The following PATJ variants were observed in gnomAD, a reference collection of about 807,000 sequenced individuals.
The protein encoded by PATJ is inaD-like protein.
In PATJ, 190 loss-of-function variants were observed where a neutral mutation model predicts 224.9. The ratio of observed to expected loss-of-function variants is 0.84; its 90% CI spans 0.75 to 0.95. The LOEUF is 0.95. Ranked by LOEUF, PATJ falls within the 40% of genes least tolerant of loss-of-function variation. The probability of loss-of-function intolerance (pLI) is 0.00; values close to 1 mark genes in which losing one functional copy is unlikely to be tolerated. For missense variants in PATJ, 2,121 were observed against 2,270.3 expected, an observed-to-expected ratio of 0.93 and a Z score of 1.34; for synonymous variants, 769 against 820.3, an observed-to-expected ratio of 0.94 and a Z score of 1.07.
chr1:61,848,646 A>G (rs1662346048), intron 17 of PATJ, among the ~76,000 whole-genome samples: 2 of 151,946 alleles, frequency 1.3e-5, no homozygotes, highest in African/African-American at 4.8e-5. Flanking sequence ...GACCTCCTGG[A>G]CTCAAGCGAT....
intron 27 of PATJ, among the ~76,000 whole-genome samples, chr1:61,985,671 C>T (rs1256434032): frequency 6.6e-6 from 1 of 152,010 alleles, no homozygotes; most frequent in Non-Finnish European, 1.5e-5. Context: ...TGGCATTTCT[C>T]TGCACCTGCA....
At position 62,051,026 on chromosome 1, in the gene PATJ, A is replaced by C. The variant is rs879143301; in HGVS notation, c.4093A>C (p.Lys1365Gln). The stretch of plus-strand genomic sequence containing the variant: ...AGATGGCAGCGTCGAAGTTGGTATT[A>C]AACAATTGCCTGAAAGTGAAAGCTT... ...EEDGSVEVGI[K>Q]QLPESESFKL... The change falls in exon 31 of 44, where the codon AAA (lysine) becomes CAA (glutamine). Residue 1365 changes from lysine (K) to glutamine (Q), a missense_variant. By Grantham distance (53) the Lys-to-Gln change is moderately conservative (BLOSUM62 1). Coordinates refer to ENST00000642238, the MANE Select transcript of PATJ (RefSeq NM_001350145.3). The C allele has an allele frequency of 1.2e-6, 2 of 1,613,808 alleles. No individual in the cohort carries two copies. Among genetic ancestry groups the C allele is most frequent in the Admixed American group, 3.3e-5 (2 of 60,018 alleles).
In PATJ at chr1:62,128,589, C is replaced by G. The variant is rs529849391; in HGVS notation, c.5167-252C>G. 62 of 454,562 alleles carry G rather than the reference C, an allele frequency of 1.4e-4. No homozygotes were observed. The East Asian group carries it at 1.7e-3, about 12-fold the overall frequency. The allele number at this position is 454,562 out of a possible 1,614,324, so 28.2% of individuals were successfully genotyped here. Reference sequence around the variant, plus strand: ...ATGGTTGTATGAAACACCACCATTACCAAAATACAAAAATGGCCTACTGTG... The same window carrying G: ...ATGGTTGTATGAAACACCACCATTAGCAAAATACAAAAATGGCCTACTGTG... On this transcript the variant is annotated intron_variant, in intron 40 of 43. Coordinates refer to ENST00000642238, the MANE Select transcript of PATJ (RefSeq NM_001350145.3).
At chr1:62,076,671 G>T (rs1036888754) in intron 31 of PATJ, among the ~76,000 whole-genome samples, 1 of 152,190 alleles carries the variant, frequency 6.6e-6, no homozygotes, top group African/African-American at 2.4e-5. Context: ...GATGCTACAT[G>T]AAACTGGGAT....
chr1:61,809,549 G>A (rs954800469), intron 14 of PATJ, among the ~76,000 whole-genome samples: 7 of 151,568 alleles, frequency 4.6e-5, no homozygotes, highest in African/African-American at 9.7e-5. Context: ...CACCATGCCC[G>A]GCTAATTTTG....
At chr1:61,899,097 A>G (rs981721362) in intron 22 of PATJ, among the ~76,000 whole-genome samples, 3 of 152,206 alleles carry the variant, frequency 2.0e-5, no homozygotes, top group Admixed American at 1.3e-4. Flanking sequence ...AAAGTTCCAT[A>G]TAAGTACGCA....
chr1:61,769,164 C>G (rs939034910), intron 4 of PATJ, 119 bp from the exon 5 acceptor site: 19 of 847,962 alleles, frequency 2.2e-5, no homozygotes, highest in Non-Finnish European at 2.8e-5. Flanking sequence ...TACTGAAATG[C>G]TGAGTTTATG....
At chr1:62,065,097 T>G (rs1314685023) in intron 31 of PATJ, among the ~76,000 whole-genome samples, 1 of 152,234 alleles carries the variant, frequency 6.6e-6, no homozygotes, top group African/African-American at 2.4e-5. Context: ...TTTGCGTACA[T>G]GATAAATTTC....
rs570381522 is a variant in PATJ, at chr1:61,961,985, AG to A, written c.3671-28182del. On this transcript the variant is annotated intron_variant, in intron 27 of 43. Coordinates refer to ENST00000642238, the MANE Select transcript of PATJ (RefSeq NM_001350145.3). ...ACTCCGTCTTAGAAAAAAAAAAAAA[AG>A]AAAGAAAAGAAATGTGAATACGGAA... 6.8e-4 allele frequency among the ~76,000 whole-genome samples: 101 copies of A among 148,688 alleles called. 12 individuals are homozygous for A. The highest frequency in any genetic ancestry group is 8.5e-4 in the South Asian group (4 of 4,680).
intron 14 of PATJ, among the ~76,000 whole-genome samples, chr1:61,817,347 A>G (rs1418886447): frequency 6.6e-6 from 1 of 152,218 alleles, no homozygotes; most frequent in Non-Finnish European, 1.5e-5. Context: ...CCTGTTACAC[A>G]TTTTTTGAAC....
chr1:61,805,629 C>A, intron 13 of PATJ, 105 bp downstream of exon 13: 1 of 684,146 alleles, frequency 1.5e-6, no homozygotes, highest in South Asian at 1.9e-5. Context: ...GCCCGCCTGA[C>A]TTTATTTTTC....
intron 26 of PATJ, among the ~76,000 whole-genome samples, chr1:61,920,111 CAT>C (rs1336892629): frequency 2.0e-5 from 3 of 152,078 alleles, no homozygotes; most frequent in Non-Finnish European, 4.4e-5. Context: ...TTTTATTTCA[CAT>C]GTTTTCAAGT....
chr1:61,786,679 T>A (rs891731997), intron 7 of PATJ, among the ~76,000 whole-genome samples: 1 of 151,994 alleles, frequency 6.6e-6, no homozygotes, highest in Admixed American at 6.6e-5. Flanking sequence ...TATCTGCAGA[T>A]CCTATTGACA....
chr1:62,057,697 A>G (rs978821809), intron 31 of PATJ, among the ~76,000 whole-genome samples: 1 of 152,190 alleles, frequency 6.6e-6, no homozygotes, highest in Non-Finnish European at 1.5e-5. Flanking sequence ...AAAATAATTG[A>G]CGTTTCTTGC....
At position 61,781,493 on chromosome 1, in the gene PATJ, C is replaced by T. The variant is rs147460466; in HGVS notation, c.849+6159C>T. Reference sequence around the variant, plus strand: ...CATGAAATGACTTAAGCTGCAGCACCCTCAGGCCCTAGGCTATGGCACAAG... The same window carrying T: ...CATGAAATGACTTAAGCTGCAGCACTCTCAGGCCCTAGGCTATGGCACAAG... On this transcript the variant is annotated intron_variant, in intron 7 of 43. Transcript: ENST00000642238. 8.0e-3 allele frequency among the ~76,000 whole-genome samples: 1,213 copies of T among 152,286 alleles called. 4 individuals are homozygous for T. The highest frequency in any genetic ancestry group is 0.014 in the Admixed American group (210 of 15,288).
chr1:62,135,283 G>A (rs755897411), intron 41 of PATJ, among the ~76,000 whole-genome samples: 3 of 152,048 alleles, frequency 2.0e-5, no homozygotes, highest in Non-Finnish European at 4.4e-5. Context: ...TTGGGAGGCC[G>A]AGGTGGGGGG....
chr1:61,838,491 A>C (rs1380147602), intron 17 of PATJ, among the ~76,000 whole-genome samples: 1 of 148,948 alleles, frequency 6.7e-6, no homozygotes, highest in South Asian at 2.1e-4. Flanking sequence ...AGTAGCTGGG[A>C]CTACAGGCAC....
At chr1:61,950,692 TTGAG>T (rs1248673005) in intron 27 of PATJ, among the ~76,000 whole-genome samples, 1 of 152,222 alleles carries the variant, frequency 6.6e-6, no homozygotes, top group African/African-American at 2.4e-5. Flanking sequence ...CACCAAATAT[TTGAG>T]TATGTTTGTT....
intron 14 of PATJ, among the ~76,000 whole-genome samples, chr1:61,812,586 C>A (rs1655100753): frequency 6.6e-6 from 1 of 151,902 alleles, no homozygotes; most frequent in Admixed American, 6.6e-5. Context: ...CAGTGGCTCA[C>A]ACCTGTAATC....
Sources: allele counts gnomAD v4.1 joint callset (sites outside exome capture counted in the v4.1 genomes callset), GRCh38; gene constraint gnomAD v4.1.1; transcripts MANE v1.5; gene names NCBI Gene and HGNC (gene_info 2026-07-23, HGNC 2026-07-21).